PTPRH: variants seen among roughly 807,000 people sequenced by gnomAD.
The protein encoded by PTPRH is protein tyrosine phosphatase receptor type H, also known as receptor-type tyrosine-protein phosphatase H.
Under a neutral mutation model 130.2 loss-of-function variants are expected in PTPRH, and 113 were observed. The ratio of observed to expected loss-of-function variants is 0.87; its 90% CI spans 0.75 to 1.01. PTPRH has a LOEUF of 1.01. Ranked by LOEUF, PTPRH falls within the 50% of genes least tolerant of loss-of-function variation. The pLI is 0.00. For synonymous variants in PTPRH, 556 were observed against 577.9 expected (o/e 0.96, Z 0.54); for missense variants, 1,430 against 1,425.0 (o/e 1.00, Z -0.06).
rs376817947 is a variant in PTPRH, at chr19:55,181,568, T to C, written c.*186A>G. 6.4e-5 allele frequency: 46 copies of C among 722,246 alleles called. No individual in the cohort carries two copies. The highest frequency in any genetic ancestry group is 8.0e-4 in the Middle Eastern group (2 of 2,496). 44.7% of individuals were successfully genotyped at this position (722,246 alleles called of 1,614,324 possible). Reference sequence around the variant, plus strand: ...CAGGAATCCAGATCCCCAGCTCCCATAGGACTCATCTGAAGCCCACCAGAC... The same window carrying C: ...CAGGAATCCAGATCCCCAGCTCCCACAGGACTCATCTGAAGCCCACCAGAC... On this transcript the variant is annotated 3_prime_UTR_variant, in exon 20 of 20. Coordinates refer to ENST00000376350, the MANE Select transcript of PTPRH (RefSeq NM_002842.5).
intron 12 of PTPRH, among the ~76,000 whole-genome samples, chr19:55,190,502 ATATTATATATAATG>A (rs1362143807): frequency 4.3e-5 from 6 of 140,366 alleles, no homozygotes; most frequent in African/African-American, 1.6e-4. Context: ...TTTATATATT[ATATTATATATAATG>A]TATATTTTAT....
intron 18 of PTPRH, among the ~76,000 whole-genome samples, chr19:55,182,634 C>T (rs931184461): frequency 2.0e-5 from 3 of 150,378 alleles, no homozygotes; most frequent in South Asian, 4.1e-4. Context: ...CCTAAGAAGT[C>T]GGATGTACTA....
Position 55,202,079 on chromosome 19 carries a change from C to A in PTPRH, c.1130G>T (p.Arg377Leu). 1 of 1,614,132 alleles carries A rather than the reference C, an allele frequency of 6.2e-7. No homozygotes were observed. The highest frequency in any genetic ancestry group is 1.1e-5 in the South Asian group (1 of 91,070). The change falls in exon 6 of 20, where the codon CGG (arginine) becomes CTG (leucine). Residue 377 changes from arginine to leucine, a missense_variant. Coordinates refer to ENST00000376350, the MANE Select transcript of PTPRH (RefSeq NM_002842.5). ...WVGKNGINSS[R>L]ETRNATTAPN... ...ACCTGTGGTGGCATTTCGAGTCTCC[C>A]GGGAGCTGTTGATTCCATTCTTCCC... is the stretch of plus-strand genomic sequence containing the variant.
chr19:55,190,469 TTTATATA>T (rs927243176), intron 12 of PTPRH, among the ~76,000 whole-genome samples: 2 of 134,108 alleles, frequency 1.5e-5, no homozygotes, highest in African/African-American at 3.0e-5. Flanking sequence ...ATATTATAAA[TTTATATA>T]TTATATATTA....
At position 55,189,817 on chromosome 19, in the gene PTPRH, A is replaced by G. The variant is rs564268020; in HGVS notation, c.2385-1649T>C. 4.6e-4 allele frequency: 202 copies of G among 439,868 alleles called. 3 individuals carry two copies. In the East Asian group the frequency reaches 9.7e-3, roughly 21 times the overall value. The allele number at this position is 439,868 out of a possible 1,614,324, so 27.2% of individuals were successfully genotyped here. Reference sequence around the variant, plus strand: ...GCAACCTGGTAAGACCACCCCCCCGACCTCCATCTCTACAAAAAATTAAAA... The same window carrying G: ...GCAACCTGGTAAGACCACCCCCCCGGCCTCCATCTCTACAAAAAATTAAAA... On this transcript the variant is annotated intron_variant, in intron 12 of 19. Coordinates refer to ENST00000376350, the MANE Select transcript of PTPRH (RefSeq NM_002842.5).
rs538499630 is a variant in PTPRH at position 55,202,859 on chromosome 19, C to T, written c.887-537G>A. Reference sequence around the variant, plus strand: ...CTCAAGACCAGCCTGGCCAACATGGCGAAACCCCGTCTCTACTAAAAATAC... The same window carrying T: ...CTCAAGACCAGCCTGGCCAACATGGTGAAACCCCGTCTCTACTAAAAATAC... On this transcript the variant is annotated intron_variant, in intron 5 of 19. Coordinates refer to ENST00000376350, the MANE Select transcript of PTPRH (RefSeq NM_002842.5). 1.6e-4 allele frequency among the ~76,000 whole-genome samples: 25 copies of T among 151,544 alleles called. No individual in the cohort carries two copies. The South Asian group carries it at 5.0e-3, about 30-fold the overall frequency.
chr19:55,196,902 T>C, intron 9 of PTPRH, 114 bp from the exon 10 acceptor site: 1 of 1,331,516 alleles, frequency 7.5e-7, no homozygotes, highest in Non-Finnish European at 1.0e-6. Flanking sequence ...AAATCCAAAC[T>C]ACCTCATCTT....
chr19:55,194,151 A>T, intron 10 of PTPRH: 1 of 1,288,282 alleles, frequency 7.8e-7, no homozygotes, highest in Non-Finnish European at 1.0e-6. Context: ...CGCCTGGCTG[A>T]TCTGGTGGTG....
At chr19:55,187,410 A>AG in intron 14 of PTPRH, 103 bp downstream of exon 14, 1 of 546,160 alleles carries the variant, frequency 1.8e-6, no homozygotes, top group South Asian at 3.4e-5. Flanking sequence ...GACCCACGGT[A>AG]GGGGGCAGGA....
chr19:55,197,139 C>T lies in PTPRH; in HGVS notation c.1968G>A (p.Thr656=), dbSNP rs775338442. The T allele has an allele frequency of 5.3e-5, 86 of 1,614,082 alleles. No individual in the cohort carries two copies. The highest frequency in any genetic ancestry group is 4.9e-4 in the Middle Eastern group (3 of 6,084). Residue 656 remains threonine, a synonymous_variant, in exon 9 of 20, where the codon ACG becomes ACA. Coordinates refer to ENST00000376350, the MANE Select transcript of PTPRH (RefSeq NM_002842.5). ...CACATGTGGACGCACAGAGGCTCTG[C>T]GTGGAACTGGCTACGTCATTCCTCT... The part of the protein sequence containing the change: ...WAERNDVASS[T]QSLCASTYPD...
intron 3 of PTPRH, among the ~76,000 whole-genome samples, chr19:55,206,434 T>C (rs976064821): frequency 1.3e-5 from 2 of 151,372 alleles, no homozygotes; most frequent in Non-Finnish European, 2.9e-5. Flanking sequence ...AGCGATCCTC[T>C]CACCTCAGCC....
In PTPRH at chr19:55,191,690, C is replaced by T. The variant is rs767323291; in HGVS notation, c.2309G>A (p.Gly770Asp). The change falls in exon 11 of 20, where the codon GGC becomes GAC. Residue 770 changes from glycine to aspartate, a missense_variant. Gly to Asp is a moderately conservative substitution (Grantham distance 94). Transcript: ENST00000376350. The part of the protein sequence containing the change: ...VGILLFLILV[G>D]LLIFFLKRRN... ...CCTCTTCAGGAAGAAAATCAGCAGG[C>T]CCACGAGGATGAGAAACAGGAGGAT... 4.3e-5 allele frequency: 69 copies of T among 1,613,956 alleles called. No homozygotes were observed. The highest frequency in any genetic ancestry group is 5.7e-5 in the Non-Finnish European group (67 of 1,179,992).
chr19:55,201,350 C>G lies in PTPRH; in HGVS notation c.1153+706G>C, dbSNP rs2086857909. Among the ~76,000 whole-genome samples, 4 of 152,138 alleles carry G rather than the reference C, an allele frequency of 2.6e-5. No homozygotes were observed. The South Asian group carries it at 6.2e-4, about 24-fold the overall frequency. Reference sequence around the variant, plus strand: ...TACGATCCTGCCACTGCACTCCAGCCTGGATGACAAAGCGAGACTCCAGCT... The same window carrying G: ...TACGATCCTGCCACTGCACTCCAGCGTGGATGACAAAGCGAGACTCCAGCT... On this transcript the variant is annotated intron_variant, in intron 6 of 19. Coordinates refer to ENST00000376350, the MANE Select transcript of PTPRH (RefSeq NM_002842.5).
rs2086943957 is a variant in PTPRH at position 55,203,642 on chromosome 19, T to C, written c.886+140A>G. ...TTTGTACTTATTTTTATGTGGCTGA[T>C]AGAAAATTGAAATTCTCACCTGTGG... On this transcript the variant is annotated intron_variant, in intron 5 of 19. Coordinates refer to ENST00000376350, the MANE Select transcript of PTPRH (RefSeq NM_002842.5). The C allele has an allele frequency of 4.9e-6, 5 of 1,030,138 alleles. No homozygotes were observed. The South Asian group carries it at 9.0e-5, about 19-fold the overall frequency. The allele number at this position is 1,030,138 out of a possible 1,614,324, so 63.8% of individuals were successfully genotyped here.
At position 55,200,282 on chromosome 19, in the gene PTPRH, T is replaced by G. The variant is rs1298405504; in HGVS notation, c.1374A>C (p.Glu458Asp). Residue 458 changes from glutamate to aspartate, a missense_variant, in exon 7 of 20, where the codon GAA (glutamate) becomes GAC (aspartate). By Grantham distance (45) the Glu-to-Asp change is conservative (BLOSUM62 2). Transcript: ENST00000376350. Reference protein sequence around the residue: ...GTLYTFSVWAEKNGARGSRQN... With the variant: ...GTLYTFSVWADKNGARGSRQN... ...GCCTGGAGCCACGTGCTCCATTTTT[T>G]TCTGCCCATACAGAGAATGTGTACA... The G allele has an allele frequency of 3.1e-6, 5 of 1,614,220 alleles. No homozygotes were observed. Among genetic ancestry groups the G allele is most frequent in the Non-Finnish European group, 3.4e-6 (4 of 1,180,036 alleles).
At position 55,203,822 on chromosome 19, in the gene PTPRH, G is replaced by C. The variant is rs767275886; in HGVS notation, c.846C>G (p.Asp282Glu). ...LYTCSVWVEK[D>E]GVNSSVEIVT... is the part of the protein sequence containing the mutation. ...CAATCTCCACAGAGCTATTTACTCCGTCTTTCTCCACCCACACAGAACACG... is the reference window on the plus strand; with the variant it reads ...CAATCTCCACAGAGCTATTTACTCCCTCTTTCTCCACCCACACAGAACACG... The change falls in exon 5 of 20, where the codon GAC becomes GAG. Residue 282 changes from aspartate to glutamate, a missense_variant. Physicochemically the swap from Asp to Glu is conservative, Grantham distance 45. Transcript: ENST00000376350. 2 of 1,613,454 alleles carry C rather than the reference G, an allele frequency of 1.2e-6. No individual in the cohort carries two copies. The highest frequency in any genetic ancestry group is 2.2e-5 in the South Asian group (2 of 91,076).
chr19:55,183,531 C>G (rs1361059392), intron 18 of PTPRH, among the ~76,000 whole-genome samples: 1 of 152,078 alleles, frequency 6.6e-6, no homozygotes, highest in Non-Finnish European at 1.5e-5. Context: ...GGAGACCAGC[C>G]TGGCCAACAT....
At chr19:55,193,511 T>G (rs1269791617) in intron 10 of PTPRH, among the ~76,000 whole-genome samples, 1 of 152,086 alleles carries the variant, frequency 6.6e-6, no homozygotes, top group East Asian at 1.9e-4. Flanking sequence ...CAAGGGTGAT[T>G]TTGCTCCCAA....
In PTPRH at chr19:55,188,162, TG is replaced by T. The variant is rs747460252; in HGVS notation, c.2390del (p.Pro797GlnfsTer67). ...CGAAGTCTTCAGCTGGGATGTCCCC[TG>T]GGGAGCTACGGGTTTTGGGGGAGCA... Reference protein sequence around the residue: ...PELRDLVFSSPGDIPAEDFAD... With the variant: ...PELRDLVFSSXGDIPAEDFAD... On this transcript the variant is annotated frameshift_variant, in exon 13 of 20. Coordinates refer to ENST00000376350, the MANE Select transcript of PTPRH (RefSeq NM_002842.5). The T allele has an allele frequency of 1.9e-6, 3 of 1,613,728 alleles. No homozygotes were observed. In the East Asian group the frequency reaches 6.7e-5, roughly 36 times the overall value.
Sources: allele counts gnomAD v4.1 joint callset (sites outside exome capture counted in the v4.1 genomes callset), GRCh38; gene constraint gnomAD v4.1.1; transcripts MANE v1.5; gene names NCBI Gene and HGNC (gene_info 2026-07-23, HGNC 2026-07-21).